The following NAALADL2 variants were observed in gnomAD, a reference collection of about 807,000 sequenced individuals.
The protein encoded by NAALADL2 is N-acetylated alpha-linked acidic dipeptidase like 2.
NAALADL2 carries 76 observed loss-of-function variants against 87.2 expected under a neutral mutation model. The ratio of observed to expected loss-of-function variants is 0.87; its 90% CI spans 0.72 to 1.05. The LOEUF is 1.05. Ranked by LOEUF, NAALADL2 falls within the 50% of genes least tolerant of loss-of-function variation. The pLI, the probability that NAALADL2 is intolerant of heterozygous loss-of-function variation, is 0.00. For synonymous variants in NAALADL2, 354 were observed against 331.0 expected, an observed-to-expected ratio of 1.07 and a Z score of -0.75; for missense variants, 1,089 against 945.8, an observed-to-expected ratio of 1.15 and a Z score of -1.99.
chr3:175,134,714 A>G (rs759130937), intron 2 of NAALADL2, among the ~76,000 whole-genome samples: 1 of 152,184 alleles, frequency 6.6e-6, no homozygotes, highest in Non-Finnish European at 1.5e-5. Flanking sequence ...GTATGATGAT[A>G]CTGAGCAGGG....
intron 2 of NAALADL2, among the ~76,000 whole-genome samples, chr3:175,132,618 C>T (rs1254254174): frequency 4.9e-5 from 6 of 122,930 alleles, no homozygotes; most frequent in South Asian, 2.8e-4. Flanking sequence ...GGCTGACCCC[C>T]CCACCTCCCT....
intron 4 of NAALADL2, among the ~76,000 whole-genome samples, chr3:175,309,526 T>C (rs1581359278): frequency 6.6e-6 from 1 of 151,614 alleles, no homozygotes; most frequent in Non-Finnish European, 1.5e-5. Context: ...AATTATAAAA[T>C]TGTAGAAAAA....
At chr3:175,184,145 A>G (rs1213436066) in intron 2 of NAALADL2, among the ~76,000 whole-genome samples, 1 of 152,094 alleles carries the variant, frequency 6.6e-6, no homozygotes, top group African/African-American at 2.4e-5. Context: ...TTCTTTGTCC[A>G]TAGTTGCTTG....
chr3:175,368,831 C>T (rs569285748), intron 5 of NAALADL2, among the ~76,000 whole-genome samples: 1 of 151,950 alleles, frequency 6.6e-6, no homozygotes, highest in Non-Finnish European at 1.5e-5. Context: ...TAGGCAATTA[C>T]AATGCAGTGG....
intron 3 of NAALADL2, 54 bp from the exon 4 acceptor site, chr3:175,256,357 G>A: frequency 1.3e-6 from 2 of 1,523,202 alleles, no homozygotes; most frequent in East Asian, 4.6e-5. Context: ...TGGACAATTG[G>A]CTATACTTCT....
At chr3:174,754,156 G>T (rs187583245) in intron 3 of NAALADL2, among the ~76,000 whole-genome samples, 3 of 152,122 alleles carry the variant, frequency 2.0e-5, no homozygotes, top group Non-Finnish European at 4.4e-5. Context: ...CTTTTTTAAG[G>T]TAGTAAAAAG....
intron 9 of NAALADL2, among the ~76,000 whole-genome samples, chr3:175,573,544 CA>C (rs2149548762): frequency 6.6e-6 from 1 of 152,302 alleles, no homozygotes; most frequent in South Asian, 2.1e-4. Context: ...CTCAGGCATT[CA>C]AATTCAACTT....
intron 1 of NAALADL2, among the ~76,000 whole-genome samples, chr3:175,090,705 T>C (rs1330111739): frequency 6.6e-6 from 1 of 152,172 alleles, no homozygotes; most frequent in Non-Finnish European, 1.5e-5. Context: ...TAGTTTATGC[T>C]ATCCAACTTG....
rs186843501 is a variant in NAALADL2, at chr3:175,748,012, T to A, written c.1991-7208T>A. 2.8e-3 allele frequency among the ~76,000 whole-genome samples: 424 copies of A among 152,302 alleles called. 1 individual carries two copies. The highest frequency in any genetic ancestry group is 9.6e-3 in the African/African-American group (398 of 41,570). On this transcript the variant is annotated intron_variant, in intron 12 of 13. Coordinates refer to ENST00000454872, the MANE Select transcript of NAALADL2 (RefSeq NM_207015.3). ...TTAGAATTTAGAAATCTGTTGCTTTTTTTTTTAAAGTAACCAGTATAATCC... is the reference window on the plus strand; with the variant it reads ...TTAGAATTTAGAAATCTGTTGCTTTATTTTTTAAAGTAACCAGTATAATCC...
intron 9 of NAALADL2, among the ~76,000 whole-genome samples, chr3:175,526,090 C>T (rs1340825709): frequency 6.6e-6 from 1 of 152,160 alleles, no homozygotes; most frequent in African/African-American, 2.4e-5. Flanking sequence ...TGTAAAGTAT[C>T]AGCCTTTTTA....
At chr3:175,342,522 G>GTGTGTGTGTGTT (rs1762672063) in intron 5 of NAALADL2, among the ~76,000 whole-genome samples, 1 of 151,970 alleles carries the variant, frequency 6.6e-6, no homozygotes, top group Non-Finnish European at 1.5e-5. Flanking sequence ...GTGTGTGTGT[G>GTGTGTGTGTGTT]TGTGTGTGTG....
intron 11 of NAALADL2, among the ~76,000 whole-genome samples, chr3:175,638,063 A>C (rs546090451): frequency 6.6e-6 from 1 of 152,350 alleles, no homozygotes; most frequent in Admixed American, 6.5e-5. Context: ...AGAATATGTG[A>C]CAAACATGAA....
At chr3:175,730,407 T>TAG (rs1743532842) in intron 11 of NAALADL2, among the ~76,000 whole-genome samples, 1 of 71,976 alleles carries the variant, frequency 1.4e-5, no homozygotes, top group Non-Finnish European at 2.8e-5. Context: ...TATATATATA[T>TAG]ATATATATAT....
chr3:175,635,079 A>G (rs1427106564), intron 11 of NAALADL2, among the ~76,000 whole-genome samples: 1 of 152,086 alleles, frequency 6.6e-6, no homozygotes, highest in East Asian at 1.9e-4. Flanking sequence ...ATAAGTGCAT[A>G]ATTAAACTTA....
intron 2 of NAALADL2, among the ~76,000 whole-genome samples, chr3:174,609,811 C>G (rs189206819): frequency 4.1e-4 from 63 of 152,248 alleles, no homozygotes; most frequent in African/African-American, 1.4e-3. Flanking sequence ...TTGGAAAAAA[C>G]TACTTTAAGT....
Position 174,736,725 on chromosome 3 carries a change from C to T in NAALADL2, c.-114-916C>T, listed in dbSNP as rs115288102. Among the ~76,000 whole-genome samples the T allele has an allele frequency of 6.1e-3, 935 of 152,258 alleles. 6 individuals are homozygous for T. Among genetic ancestry groups the T allele is most frequent in the African/African-American group, 0.021 (889 of 41,558 alleles). ...CATTCTGGTCCATCAGCCCAGCCCC[C>T]AGGCTTCAGGCCATCCTGGCTTGAA... On this transcript the variant is annotated intron_variant, in intron 2 of 3. Coordinates refer to the NAALADL2 transcript ENST00000434257.
At chr3:174,831,864 C>T (rs1722743683) in intron 3 of NAALADL2, among the ~76,000 whole-genome samples, 1 of 150,914 alleles carries the variant, frequency 6.6e-6, no homozygotes, top group South Asian at 2.1e-4. Flanking sequence ...GGAATTTATC[C>T]ATTTCTTCTA....
At chr3:174,887,391 A>G (rs1442701458) in intron 1 of NAALADL2, among the ~76,000 whole-genome samples, 8 of 152,188 alleles carry the variant, frequency 5.3e-5, no homozygotes, top group Non-Finnish European at 1.0e-4. Flanking sequence ...TTAATCAATT[A>G]TATATGTTCT....
intron 1 of NAALADL2, among the ~76,000 whole-genome samples, chr3:174,545,798 C>T (rs1024090982): frequency 6.6e-6 from 1 of 151,110 alleles, no homozygotes; most frequent in East Asian, 1.9e-4. Context: ...TTTCCCATTT[C>T]CTTTTGTTTC....
Sources: allele counts gnomAD v4.1 joint callset (sites outside exome capture counted in the v4.1 genomes callset), GRCh38; gene constraint gnomAD v4.1.1; transcripts MANE v1.5; gene names NCBI Gene and HGNC (gene_info 2026-07-23, HGNC 2026-07-21).